MELK: variants seen among roughly 807,000 people sequenced by gnomAD.
MELK encodes the protein pEg3 kinase.
A neutral mutation model predicts 85.0 loss-of-function variants in MELK; 81 were observed. The ratio of observed to expected loss-of-function variants is 0.95; its 90% CI spans 0.80 to 1.15. MELK has a LOEUF of 1.15. Among genes scored for constraint, MELK ranks in the 50% most tolerant of loss-of-function variants. MELK has a pLI of 0.00. For missense variants in MELK, 754 were observed against 777.5 expected (o/e 0.97, Z 0.36); for synonymous variants, 252 against 265.0 (o/e 0.95, Z 0.48).
intron 13 of MELK, among the ~76,000 whole-genome samples, chr9:36,661,674 C>T (rs1358946505): frequency 4.6e-5 from 7 of 152,090 alleles, no homozygotes; most frequent in African/African-American, 1.7e-4. Context: ...CGGTGGCTCA[C>T]GCCTGTAATC....
At chr9:36,636,790 G>GTCTGTCTGTGTGTCTT (rs1475022442) in intron 10 of MELK, among the ~76,000 whole-genome samples, 1 of 67,620 alleles carries the variant, frequency 1.5e-5, no homozygotes, top group African/African-American at 4.1e-5. Context: ...CTTTCTGTCT[G>GTCTGTCTGTGTGTCTT]TCTTTCTTTC....
chr9:36,603,825 TTTCAG>T (rs1191670555), intron 7 of MELK, among the ~76,000 whole-genome samples: 1 of 152,232 alleles, frequency 6.6e-6, no homozygotes, highest in African/African-American at 2.4e-5. Context: ...GTAAAGGTAC[TTTCAG>T]TTAACTGAAA....
intron 10 of MELK, among the ~76,000 whole-genome samples, chr9:36,634,380 C>T (rs1016134539): frequency 7.9e-5 from 12 of 152,012 alleles, no homozygotes; most frequent in Admixed American, 3.3e-4. Context: ...ATAGTTAGTC[C>T]GTGTTCTTTC....
chr9:36,573,523 A>G (rs1253569842), intron 1 of MELK, among the ~76,000 whole-genome samples: 1 of 151,856 alleles, frequency 6.6e-6, no homozygotes, highest in Admixed American at 6.6e-5. Flanking sequence ...CTTTTTCTTC[A>G]AGACGGAGTT....
chr9:36,667,734 C>T (rs1006703763), intron 14 of MELK, among the ~76,000 whole-genome samples: 5 of 152,020 alleles, frequency 3.3e-5, no homozygotes, highest in African/African-American at 1.2e-4. Flanking sequence ...ATTTTTCTTT[C>T]TTTTCTTTTT....
At chr9:36,646,830 C>G (rs73645811) in intron 11 of MELK, among the ~76,000 whole-genome samples, 2,718 of 152,354 alleles carry the variant, frequency 0.018, 76 homozygotes, top group African/African-American at 0.059. Context: ...TGCCTCTCCT[C>G]AACCCAGGTG....
intron 8 of MELK, among the ~76,000 whole-genome samples, chr9:36,628,596 T>A (rs1308048719): frequency 6.6e-6 from 1 of 150,784 alleles, no homozygotes; most frequent in African/African-American, 2.4e-5. Flanking sequence ...ATTTTTGTAT[T>A]TTTAGTAGAG....
At position 36,596,151 on chromosome 9, in the gene MELK, C is replaced by T. The variant is rs1045657414; in HGVS notation, c.406-1071C>T. ...TTTTTCCATCTGTTTATACTGAACT[C>T]GTCGATTTCAACTCACTCTTTTGGT... is the stretch of plus-strand genomic sequence containing the variant. On this transcript the variant is annotated intron_variant, in intron 5 of 17. Transcript: ENST00000298048. Among the ~76,000 whole-genome samples, 20 of 151,722 alleles carry T rather than the reference C, an allele frequency of 1.3e-4. 1 individual carries two copies. The highest frequency in any genetic ancestry group is 4.1e-4 in the African/African-American group (17 of 41,312).
intron 17 of MELK, among the ~76,000 whole-genome samples, chr9:36,676,326 C>G (rs1024533986): frequency 6.6e-6 from 1 of 152,114 alleles, no homozygotes; most frequent in African/African-American, 2.4e-5. Context: ...ATCAGGAACC[C>G]TTAAGTATTT....
intron 8 of MELK, among the ~76,000 whole-genome samples, chr9:36,616,073 C>CG (rs1192738550): frequency 1.3e-5 from 2 of 152,104 alleles, no homozygotes; most frequent in Non-Finnish European, 2.9e-5. Context: ...GGGCGGCGCT[C>CG]GCCGGCGCGG....
chr9:36,604,043 C>G (rs1220345608), intron 7 of MELK, among the ~76,000 whole-genome samples: 1 of 151,830 alleles, frequency 6.6e-6, no homozygotes, highest in African/African-American at 2.4e-5. Flanking sequence ...GATCTTGGCT[C>G]ACTGCAACCT....
chr9:36,632,815 A>C (rs1828769931), intron 9 of MELK, among the ~76,000 whole-genome samples: 1 of 152,216 alleles, frequency 6.6e-6, no homozygotes, highest in African/African-American at 2.4e-5. Context: ...CCAGCAAAAG[A>C]CTATTACATC....
At chr9:36,672,512 T>G (rs532582581) in intron 16 of MELK, among the ~76,000 whole-genome samples, 4 of 152,346 alleles carry the variant, frequency 2.6e-5, no homozygotes, top group African/African-American at 9.6e-5. Context: ...TAGAAACTAC[T>G]GTGGTGTTAG....
At chr9:36,656,524 C>A (rs1000172640) in intron 12 of MELK, among the ~76,000 whole-genome samples, 1 of 152,206 alleles carries the variant, frequency 6.6e-6, no homozygotes, top group African/African-American at 2.4e-5. Context: ...TTGCCCTATG[C>A]CTGGAATACA....
At chr9:36,649,681 ATTG>A (rs1401846981) in intron 11 of MELK, among the ~76,000 whole-genome samples, 1 of 151,820 alleles carries the variant, frequency 6.6e-6, no homozygotes, top group African/African-American at 2.4e-5. Flanking sequence ...AGGCGAGAGG[ATTG>A]CTTGAACCCA....
chr9:36,597,237 G>C lies in MELK; in HGVS notation c.421G>C (p.Asp141His). The change falls in exon 6 of 18, where the codon GAT becomes CAT. Residue 141 changes from aspartate to histidine, a missense_variant. Asp to His is a moderately conservative substitution (Grantham distance 81). Transcript: ENST00000298048. ...RDLKPENLLF[D>H]EYHKLKLIDF... ...GTTTTCCCAGGAAAATTTGCTGTTT[G>C]ATGAATATCATAAATTAAAGCTGAT... 6.2e-7 allele frequency: 1 copy of C among 1,613,744 alleles called. No homozygotes were observed. Among genetic ancestry groups the C allele is most frequent in the Middle Eastern group, 1.7e-4 (1 of 6,060 alleles).
chr9:36,574,875 G>A (rs561599549), intron 1 of MELK, among the ~76,000 whole-genome samples: 3 of 152,066 alleles, frequency 2.0e-5, no homozygotes, highest in South Asian at 2.1e-4. Context: ...GGTGGCTCAC[G>A]CCTGTAATCC....
intron 8 of MELK, among the ~76,000 whole-genome samples, chr9:36,621,322 A>G (rs1008637220): frequency 6.7e-5 from 9 of 133,970 alleles, no homozygotes; most frequent in Non-Finnish European, 1.3e-4. Context: ...AAAAAACTTG[A>G]GTAGAACAGA....
chr9:36,593,638 T>C (rs1017315803), intron 4 of MELK, among the ~76,000 whole-genome samples: 7 of 152,342 alleles, frequency 4.6e-5, no homozygotes, highest in Non-Finnish European at 7.3e-5. Context: ...CAAACACTGC[T>C]GCTGCAGTAA....
Sources: gnomAD v4.1 joint callset for allele counts (sites outside exome capture counted in the v4.1 genomes callset) on GRCh38, gnomAD v4.1.1 for gene constraint, MANE v1.5 for transcripts, NCBI Gene and HGNC (gene_info 2026-07-23, HGNC 2026-07-21) for gene names.